SNX8: variants seen among roughly 807,000 people sequenced by gnomAD.
The protein encoded by SNX8 is sorting nexin-8.
A neutral mutation model predicts 51.6 loss-of-function variants in SNX8; 25 were observed. The ratio of observed to expected loss-of-function variants is 0.48; its 90% CI spans 0.35 to 0.68. The LOEUF (loss-of-function observed/expected upper bound fraction) is 0.68, where lower values mean the gene tolerates loss of function less well. Ranked by LOEUF, SNX8 falls within the 30% of genes least tolerant of loss-of-function variation. The pLI, the probability that SNX8 is intolerant of heterozygous loss-of-function variation, is 0.00. For synonymous variants in SNX8, 324 were observed against 277.0 expected (o/e 1.17, Z -1.68); for missense variants, 695 against 624.0 (o/e 1.11, Z -1.21).
chr7:2,345,836 T>C (rs2115249309), intron 1 of SNX8, among the ~76,000 whole-genome samples: 1 of 152,242 alleles, frequency 6.6e-6, no homozygotes, highest in Middle Eastern at 3.4e-3. Context: ...AGACGGAGTT[T>C]CACTCTTGTT....
upstream of SNX8, among the ~76,000 whole-genome samples, chr7:2,316,313 GCATT>G (rs1488772216): frequency 7.7e-6 from 1 of 130,006 alleles, no homozygotes; most frequent in Non-Finnish European, 1.6e-5. Flanking sequence ...ACTGCATCCT[GCATT>G]CATTCACCCA....
intron 1 of SNX8, among the ~76,000 whole-genome samples, chr7:2,338,015 TACAA>T (rs1778860904): frequency 1.3e-5 from 2 of 152,070 alleles, no homozygotes; most frequent in South Asian, 4.1e-4. Context: ...AGAAGACAAA[TACAA>T]ACAGTGTAAT....
At chr7:2,350,792 G>A (rs548047832) in intron 1 of SNX8, among the ~76,000 whole-genome samples, 1 of 152,110 alleles carries the variant, frequency 6.6e-6, no homozygotes, top group African/African-American at 2.4e-5. Context: ...GATTACAGGC[G>A]CCTGCGGCCA....
At chr7:2,301,961 G>A (rs1424336206) in intron 1 of SNX8, among the ~76,000 whole-genome samples, 9 of 152,270 alleles carry the variant, frequency 5.9e-5, no homozygotes, top group South Asian at 2.1e-4. Context: ...GTTGGGGATC[G>A]GCCAGGCGCG....
At chr7:2,328,747 C>T (rs896527549) in intron 1 of SNX8, among the ~76,000 whole-genome samples, 2 of 151,716 alleles carry the variant, frequency 1.3e-5, no homozygotes, top group South Asian at 2.1e-4. Context: ...GTCAGGAGAT[C>T]GAGACCATCC....
At chr7:2,262,776 G>C (rs1221468537) in intron 7 of SNX8, among the ~76,000 whole-genome samples, 1 of 152,094 alleles carries the variant, frequency 6.6e-6, no homozygotes, top group Non-Finnish European at 1.5e-5. Context: ...GAACAGATGT[G>C]GATGGGCAGC....
intron 1 of SNX8, among the ~76,000 whole-genome samples, chr7:2,297,340 C>T (rs2115177911): frequency 6.6e-6 from 1 of 151,744 alleles, no homozygotes; most frequent in African/African-American, 2.4e-5. Context: ...CACTTGAGGT[C>T]AGGAGTTCGA....
At chr7:2,260,499 G>C (rs929365129) in intron 7 of SNX8, among the ~76,000 whole-genome samples, 3 of 152,140 alleles carry the variant, frequency 2.0e-5, no homozygotes, top group African/African-American at 7.2e-5. Flanking sequence ...ATTAATGCAT[G>C]CGCCTTTAAC....
chr7:2,271,774 C>T (rs1795648950), intron 4 of SNX8, 76 bp downstream of exon 4: 2 of 1,520,438 alleles, frequency 1.3e-6, no homozygotes, highest in Non-Finnish European at 1.8e-6. Flanking sequence ...GAAACCACAC[C>T]TGAGAGAGGA....
chr7:2,278,065 C>G lies in SNX8; in HGVS notation c.300+35G>C, dbSNP rs533664856. On this transcript the variant is annotated intron_variant, in intron 2 of 10. Transcript: ENST00000222990. ...GTTGAGACGTGACCCTTTCTTCCCC[C>G]TCCTGCCCCGACACACACACAATTT... 1.2e-5 allele frequency: 20 copies of G among 1,601,032 alleles called. 1 individual carries two copies. The South Asian group carries it at 1.6e-4, about 13-fold the overall frequency.
chr7:2,340,631 C>T lies in SNX8; in HGVS notation c.-66+13591G>A, dbSNP rs191865742. On this transcript the variant is annotated intron_variant, in intron 1 of 5. Coordinates refer to the SNX8 transcript ENST00000435336. ...CAGTACTTTGGGAGGCTGAAGAGGG[C>T]GGGTCACTTGAGGTCAGGAGTTCAA... 7.1e-4 allele frequency among the ~76,000 whole-genome samples: 107 copies of T among 150,158 alleles called. 1 individual carries two copies. Among genetic ancestry groups the T allele is most frequent in the Admixed American group, 2.7e-3 (41 of 15,014 alleles).
At position 2,256,866 on chromosome 7, in the gene SNX8, G is replaced by A. The variant is rs745968056; in HGVS notation, c.1284+8C>T. ...GCCGAGACGGCGGCCGGAGCAGGGC[G>A]GACTCACCTCCTTGTGCCCTTGGAT... On this transcript the variant is annotated splice_region_variant and intron_variant, in intron 10 of 10. Transcript: ENST00000222990. 3.1e-6 allele frequency: 5 copies of A among 1,608,440 alleles called. No individual in the cohort carries two copies. Among genetic ancestry groups the A allele is most frequent in the East Asian group, 2.2e-5 (1 of 44,720 alleles).
intron 1 of SNX8, among the ~76,000 whole-genome samples, chr7:2,323,437 G>A (rs1351691017): frequency 1.3e-5 from 2 of 151,946 alleles, no homozygotes; most frequent in Non-Finnish European, 2.9e-5. Flanking sequence ...AGTTGTTTAG[G>A]ATAGGCTATA....
intron 1 of SNX8, among the ~76,000 whole-genome samples, chr7:2,305,199 G>A (rs1299916236): frequency 6.6e-6 from 1 of 152,182 alleles, no homozygotes; most frequent in Non-Finnish European, 1.5e-5. Context: ...AGTGCCCTCT[G>A]TTAGGAGCAG....
At chr7:2,304,180 A>G (rs2115191308) in intron 1 of SNX8, among the ~76,000 whole-genome samples, 1 of 149,528 alleles carries the variant, frequency 6.7e-6, no homozygotes, top group East Asian at 2.0e-4. Context: ...AAAAAAAAAA[A>G]AAGAGAGTTG....
chr7:2,270,641 G>A (rs911832033), intron 4 of SNX8, among the ~76,000 whole-genome samples: 9 of 151,958 alleles, frequency 5.9e-5, no homozygotes, highest in Non-Finnish European at 1.3e-4. Flanking sequence ...AATGCAGATC[G>A]CCTCCAAAGG....
At chr7:2,286,117 T>C (rs1796022738) in intron 1 of SNX8, among the ~76,000 whole-genome samples, 1 of 151,872 alleles carries the variant, frequency 6.6e-6, no homozygotes, top group African/African-American at 2.4e-5. Flanking sequence ...GTTCAAGCGA[T>C]TCTCCTGCCT....
chr7:2,275,751 C>G (rs1417154626), intron 2 of SNX8, among the ~76,000 whole-genome samples: 1 of 152,238 alleles, frequency 6.6e-6, no homozygotes, highest in Admixed American at 6.5e-5. Context: ...GCATTCCCAG[C>G]ACTTTGGGAG....
At chr7:2,347,972 T>C (rs1208104684) in intron 1 of SNX8, among the ~76,000 whole-genome samples, 3 of 152,054 alleles carry the variant, frequency 2.0e-5, no homozygotes, top group Non-Finnish European at 2.9e-5. Flanking sequence ...CATGGATGCC[T>C]CTTTGCGTCT....
Sources: gnomAD v4.1 joint callset for allele counts (sites outside exome capture counted in the v4.1 genomes callset) on GRCh38, gnomAD v4.1.1 for gene constraint, MANE v1.5 for transcripts, NCBI Gene and HGNC (gene_info 2026-07-23, HGNC 2026-07-21) for gene names.